Variants in SEMA3A observed in about 807,000 individuals in gnomAD.
The protein encoded by SEMA3A is semaphorin 3A.
SEMA3A carries 29 observed loss-of-function variants against 97.9 expected under a neutral mutation model. The ratio of observed to expected loss-of-function variants is 0.30; its 90% CI spans 0.22 to 0.40. The LOEUF is 0.40. SEMA3A is among the 10% of genes least tolerant of loss of function. SEMA3A has a pLI of 1.00. For synonymous variants in SEMA3A, 321 were observed against 323.7 expected (o/e 0.99, Z 0.09); for missense variants, 763 against 951.3 (o/e 0.80, Z 2.60).
intron 3 of SEMA3A, among the ~76,000 whole-genome samples, chr7:84,220,778 C>T (rs1435201854): frequency 6.6e-6 from 1 of 152,102 alleles, no homozygotes; most frequent in African/African-American, 2.4e-5. Context: ...TCTAATCAGA[C>T]GTGCTGTCAC....
intron 12 of SEMA3A, among the ~76,000 whole-genome samples, chr7:83,994,923 C>T (rs966926322): frequency 2.6e-5 from 4 of 152,176 alleles, no homozygotes; most frequent in Middle Eastern, 3.4e-3. Context: ...GCCTAGCTGC[C>T]GCCTTGCAGT....
intron 3 of SEMA3A, among the ~76,000 whole-genome samples, chr7:84,296,760 G>A (rs939645875): frequency 6.6e-6 from 1 of 152,014 alleles, no homozygotes; most frequent in African/African-American, 2.4e-5. Flanking sequence ...TTCACATTGT[G>A]AGTAGCAAAT....
chr7:84,280,225 C>A (rs1409478205), intron 3 of SEMA3A, among the ~76,000 whole-genome samples: 1 of 152,100 alleles, frequency 6.6e-6, no homozygotes, highest in Non-Finnish European at 1.5e-5. Flanking sequence ...TTATTTCAGT[C>A]ATAGTTCGGC....
chr7:84,050,437 C>A (rs10954742), intron 5 of SEMA3A, among the ~76,000 whole-genome samples: 103,193 of 151,354 alleles, frequency 0.68, 35,631 homozygotes, highest in East Asian at 0.84. Context: ...TGTGATTTTG[C>A]TTTGCATTTC....
intron 1 of SEMA3A, among the ~76,000 whole-genome samples, chr7:84,415,411 A>G (rs934447367): frequency 6.6e-6 from 1 of 152,146 alleles, no homozygotes; most frequent in South Asian, 2.1e-4. Context: ...TATCAAAGTT[A>G]AAGTTCTTGT....
At chr7:84,231,527 TA>T (rs1799115015) in intron 3 of SEMA3A, among the ~76,000 whole-genome samples, 1 of 151,948 alleles carries the variant, frequency 6.6e-6, no homozygotes, top group Non-Finnish European at 1.5e-5. Context: ...ACAACTAAAA[TA>T]AAATGAGACT....
rs1489988466 is a variant in SEMA3A at position 83,961,499 on chromosome 7, G to A, written c.2188C>T (p.Arg730Ter). The A allele has an allele frequency of 3.7e-6, 6 of 1,613,864 alleles. No individual in the cohort carries two copies. The highest frequency in any genetic ancestry group is 1.3e-5 in the African/African-American group (1 of 74,938). Residue 730 changes from arginine (R) to a stop codon, truncating the protein, a stop_gained, in exon 17 of 17, where the codon CGA becomes TGA. Coordinates refer to ENST00000265362, the MANE Select transcript of SEMA3A (RefSeq NM_006080.3). LOFTEE classifies it high-confidence loss of function. ...EFCEQVWKRD[R>*]KQRRQRPGHT... Reference sequence around the variant, plus strand: ...CCTGGCCTTTGCCGACGTTGTTTTCGGTCCCTTTTCCAAACTTGTTCACAG... The same window carrying A: ...CCTGGCCTTTGCCGACGTTGTTTTCAGTCCCTTTTCCAAACTTGTTCACAG...
chr7:84,053,635 C>T (rs1159526926), intron 5 of SEMA3A, among the ~76,000 whole-genome samples: 2 of 149,284 alleles, frequency 1.3e-5, no homozygotes, highest in African/African-American at 4.9e-5. Flanking sequence ...TTCCTGAATA[C>T]AGCACACTGA....
intron 1 of SEMA3A, among the ~76,000 whole-genome samples, chr7:84,150,612 G>A (rs1007612755): frequency 6.6e-6 from 1 of 152,160 alleles, no homozygotes; most frequent in Non-Finnish European, 1.5e-5. Context: ...CTCGCTGATT[G>A]CTAGCACAGC....
In SEMA3A at chr7:84,049,936, T is replaced by C. The variant is rs998383076; in HGVS notation, c.548-3493A>G. Among the ~76,000 whole-genome samples the C allele has an allele frequency of 1.9e-3, 281 of 144,122 alleles. 1 individual carries two copies. Among genetic ancestry groups the C allele is most frequent in the African/African-American group, 6.9e-3 (270 of 39,102 alleles). The allele number at this position is 144,122 out of a possible 152,430, so 94.5% of individuals were successfully genotyped here. ...GTGTCCATGTGATCTCATTGTTCAATTCCCACCTATGAGTGAGAATATGCG... is the reference window on the plus strand; with the variant it reads ...GTGTCCATGTGATCTCATTGTTCAACTCCCACCTATGAGTGAGAATATGCG... On this transcript the variant is annotated intron_variant, in intron 5 of 16. Coordinates refer to ENST00000265362, the MANE Select transcript of SEMA3A (RefSeq NM_006080.3).
At chr7:84,023,017 C>A (rs555317449) in intron 6 of SEMA3A, among the ~76,000 whole-genome samples, 2 of 152,272 alleles carry the variant, frequency 1.3e-5, no homozygotes, top group East Asian at 3.9e-4. Context: ...CCTTTACCAC[C>A]CCCTTGACAT....
Position 84,343,084 on chromosome 7 carries a change from T to C in SEMA3A, c.-169+28740A>G, listed in dbSNP as rs78986075. Among the ~76,000 whole-genome samples the C allele has an allele frequency of 5.3e-5, 8 of 152,328 alleles. No individual in the cohort carries two copies. In the East Asian group the frequency reaches 1.5e-3, roughly 29 times the overall value. On this transcript the variant is annotated intron_variant, in intron 2 of 3. Transcript: ENST00000424555. ...GCACTACTGTTACCACTAACATTCA[T>C]AGACCAGAGTGTTCCAAATGCTCAA...
intron 3 of SEMA3A, among the ~76,000 whole-genome samples, chr7:84,267,783 G>A (rs1256762578): frequency 6.6e-6 from 1 of 152,014 alleles, no homozygotes; most frequent in Non-Finnish European, 1.5e-5. Flanking sequence ...CATACACATA[G>A]ACTACTTAAC....
At chr7:83,994,118 G>A (rs1317257661) in intron 12 of SEMA3A, among the ~76,000 whole-genome samples, 2 of 149,708 alleles carry the variant, frequency 1.3e-5, no homozygotes, top group Non-Finnish European at 3.0e-5. Context: ...CGGCTCCTGA[G>A]GCTTCTGCAT....
At chr7:84,215,402 G>C (rs2116326309) in intron 3 of SEMA3A, among the ~76,000 whole-genome samples, 1 of 136,498 alleles carries the variant, frequency 7.3e-6, no homozygotes, top group Non-Finnish European at 1.6e-5. Context: ...TGGCCAGGCT[G>C]GTCTTGAACT....
At chr7:84,367,381 ATTTG>A (rs1358238116) in intron 2 of SEMA3A, among the ~76,000 whole-genome samples, 2 of 151,352 alleles carry the variant, frequency 1.3e-5, no homozygotes, top group Non-Finnish European at 3.0e-5. Flanking sequence ...AATCTACATA[ATTTG>A]TTTATGTCTT....
At position 84,463,237 on chromosome 7, in the gene SEMA3A, C is replaced by CTTTTTTTTTTTTTT. The variant is rs59465422; in HGVS notation, c.-246+29209_-246+29222dup. The stretch of plus-strand genomic sequence containing the variant: ...ATTACTTTAGTATTTTGTAACTATT[C>CTTTTTTTTTTTTTT]TTTTTTTTTTTTTTTTTTTTTTTTT... On this transcript the variant is annotated intron_variant, in intron 1 of 3. Coordinates refer to the SEMA3A transcript ENST00000424555. 6.7e-4 allele frequency among the ~76,000 whole-genome samples: 48 copies of CTTTTTTTTTTTTTT among 71,350 alleles called. 10 individuals carry two copies. Among genetic ancestry groups the CTTTTTTTTTTTTTT allele is most frequent in the African/African-American group, 2.5e-3 (44 of 17,916 alleles). The allele number at this position is 71,350 out of a possible 152,430, so 46.8% of individuals were successfully genotyped here. A position where few individuals can be genotyped will look rare whatever the true frequency, so the allele number is the denominator to read the frequency against.
intron 2 of SEMA3A, among the ~76,000 whole-genome samples, chr7:84,362,423 G>A (rs1045750095): frequency 4.6e-5 from 7 of 151,814 alleles, no homozygotes; most frequent in Admixed American, 2.0e-4. Flanking sequence ...TAGTTTCATC[G>A]TCAATATTGG....
intron 1 of SEMA3A, among the ~76,000 whole-genome samples, chr7:84,424,152 A>C (rs1804677051): frequency 6.6e-6 from 1 of 151,540 alleles, no homozygotes; most frequent in Non-Finnish European, 1.5e-5. Flanking sequence ...TATCTACCCA[A>C]AGGAAAAGAT....
Sources: allele counts gnomAD v4.1 joint callset (sites outside exome capture counted in the v4.1 genomes callset), GRCh38; gene constraint gnomAD v4.1.1; transcripts MANE v1.5; gene names NCBI Gene and HGNC (gene_info 2026-07-23, HGNC 2026-07-21).